ENOX2: variants seen among roughly 807,000 people sequenced by gnomAD.
ENOX2 encodes ecto-NOX disulfide-thiol exchanger 2.
ENOX2 carries 36 observed loss-of-function variants against 45.0 expected under a neutral mutation model. That is an observed-to-expected ratio of 0.80 (90% CI 0.61 to 1.06). The LOEUF is 1.06. Ranked by LOEUF, ENOX2 falls within the 50% of genes least tolerant of loss-of-function variation. ENOX2 has a pLI of 0.00. For synonymous variants in ENOX2, 174 were observed against 152.3 expected (o/e 1.14, Z -1.05); for missense variants, 423 against 462.5 (o/e 0.91, Z 0.78).
intron 3 of ENOX2, among the ~76,000 whole-genome samples, chrX:130,713,128 A>T (rs867599668): frequency 8.9e-6 from 1 of 112,460 alleles, no homozygotes; most frequent in African/African-American, 3.2e-5. Flanking sequence ...GGCTCCAGAG[A>T]CAACACGTTT....
At chrX:130,783,886 CT>C (rs1328523735) in intron 2 of ENOX2, among the ~76,000 whole-genome samples, 196 bp from the exon 3 acceptor site, 6 of 111,958 alleles carry the variant, frequency 5.4e-5, no homozygotes, top group Admixed American at 9.5e-5. Flanking sequence ...AAATATAAGA[CT>C]GTGGCTCTGT....
At chrX:130,858,057 C>A (rs2078341640) in intron 2 of ENOX2, among the ~76,000 whole-genome samples, 1 of 109,173 alleles carries the variant, frequency 9.2e-6, no homozygotes, top group Admixed American at 9.8e-5. Context: ...AAAGTCTTCT[C>A]AGAAACAGAA....
At chrX:130,733,292 A>G (rs763600645) in intron 3 of ENOX2, among the ~76,000 whole-genome samples, 1 of 111,449 alleles carries the variant, frequency 9.0e-6, no homozygotes, top group African/African-American at 3.3e-5. Flanking sequence ...ATCACTAATC[A>G]TTAGGGAAAT....
chrX:130,784,279 C>A (rs2076935424), intron 2 of ENOX2, among the ~76,000 whole-genome samples: 1 of 111,457 alleles, frequency 9.0e-6, no homozygotes, highest in Admixed American at 9.5e-5. Context: ...TAATCTCATT[C>A]TCTTCAAATA....
At chrX:130,828,407 A>T (rs1198190134) in intron 2 of ENOX2, among the ~76,000 whole-genome samples, 1 of 112,412 alleles carries the variant, frequency 8.9e-6, no homozygotes, top group Non-Finnish European at 1.9e-5. Flanking sequence ...AACAAGAAAG[A>T]CTAAGATTTT....
At chrX:130,882,920 A>G (rs773730573) in intron 2 of ENOX2, among the ~76,000 whole-genome samples, 2 of 111,712 alleles carry the variant, frequency 1.8e-5, no homozygotes, top group Non-Finnish European at 3.8e-5. Flanking sequence ...CTTGCTACTT[A>G]GTAATTGTGT....
At chrX:130,630,269 T>A (rs1460020937) in intron 13 of ENOX2, among the ~76,000 whole-genome samples, 2 of 111,378 alleles carry the variant, frequency 1.8e-5, no homozygotes, top group Non-Finnish European at 1.9e-5. Context: ...ATGTGGTCTT[T>A]GTCCGTGGTC....
Position 130,836,494 on chromosome X carries a change from G to A in ENOX2, c.-182-52804C>T, listed in dbSNP as rs986588699. Among the ~76,000 whole-genome samples the A allele has an allele frequency of 1.9e-4, 21 of 111,130 alleles. No individual in the cohort carries two copies. The East Asian group carries it at 5.4e-3, about 29-fold the overall frequency. Reference sequence around the variant, plus strand: ...AAAAAATGAGCACATTCAAAGACTCGACTGGCCTTCTACAGGGGGTTTTCA... The same window carrying A: ...AAAAAATGAGCACATTCAAAGACTCAACTGGCCTTCTACAGGGGGTTTTCA... On this transcript the variant is annotated intron_variant, in intron 2 of 14. Coordinates refer to ENST00000394363, the MANE Select transcript of ENOX2 (RefSeq NM_006375.4).
chrX:130,829,177 C>T (rs913969072), intron 2 of ENOX2, among the ~76,000 whole-genome samples: 4 of 111,208 alleles, frequency 3.6e-5, no homozygotes, highest in Non-Finnish European at 7.6e-5. Context: ...GAACAAAAGT[C>T]ACCTATTCCT....
At chrX:130,771,401 TCA>T (rs747713795) in intron 3 of ENOX2, among the ~76,000 whole-genome samples, 1 of 112,063 alleles carries the variant, frequency 8.9e-6, no homozygotes, top group African/African-American at 3.2e-5. Flanking sequence ...TTAGGCTGAA[TCA>T]CAGTTGAGAT....
At chrX:130,704,603 T>C (rs1026513591) in intron 3 of ENOX2, among the ~76,000 whole-genome samples, 6 of 111,954 alleles carry the variant, frequency 5.4e-5, no homozygotes, top group Non-Finnish European at 1.1e-4. Context: ...GTTCTAATAG[T>C]AGCTTGCTAA....
At chrX:130,801,130 G>A (rs906553173) in intron 2 of ENOX2, among the ~76,000 whole-genome samples, 1 of 112,021 alleles carries the variant, frequency 8.9e-6, no homozygotes, top group Non-Finnish European at 1.9e-5. Context: ...GGGACTGCAC[G>A]CCACCCTCTA....
chrX:130,791,427 T>C (rs2077040718), intron 2 of ENOX2, among the ~76,000 whole-genome samples: 2 of 111,630 alleles, frequency 1.8e-5, no homozygotes, highest in Non-Finnish European at 3.8e-5. Flanking sequence ...ACAGCATGGA[T>C]AGTATCTGAC....
At chrX:130,821,742 T>TAAAAAA in intron 2 of ENOX2, among the ~76,000 whole-genome samples, 600 of 23,158 alleles carry the variant, frequency 0.026, 1 homozygote, top group Non-Finnish European at 0.032. Context: ...ATAAATAAAT[T>TAAAAAA]AAAAAAAAAA....
At chrX:130,757,871 C>T (rs1480554403) in intron 3 of ENOX2, among the ~76,000 whole-genome samples, 2 of 110,558 alleles carry the variant, frequency 1.8e-5, no homozygotes, top group African/African-American at 6.6e-5. Context: ...GTAGGTGGGA[C>T]CACAGGCACA....
intron 2 of ENOX2, among the ~76,000 whole-genome samples, chrX:130,796,988 A>T (rs2077140343): frequency 8.9e-6 from 1 of 112,177 alleles, no homozygotes; most frequent in Non-Finnish European, 1.9e-5. Flanking sequence ...CAATTGACAG[A>T]GCAAATCAGG....
intron 12 of ENOX2, 79 bp from the exon 13 acceptor site, chrX:130,631,655 A>G (rs2035728493): frequency 1.9e-6 from 1 of 536,014 alleles, no homozygotes; most frequent in African/African-American, 2.3e-5. Flanking sequence ...ACAACAGGTA[A>G]CTTAACACAG....
chrX:130,803,429 C>T (rs1308457845), intron 2 of ENOX2, among the ~76,000 whole-genome samples: 1 of 111,638 alleles, frequency 9.0e-6, no homozygotes, highest in Non-Finnish European at 1.9e-5. Context: ...CAAAAGAGAG[C>T]CCTTAGTGAT....
At chrX:130,627,020 A>T (rs2035562682) in intron 14 of ENOX2, among the ~76,000 whole-genome samples, 1 of 111,095 alleles carries the variant, frequency 9.0e-6, no homozygotes, top group African/African-American at 3.3e-5. Flanking sequence ...TTTCCTAGGG[A>T]ATTAGCACTT....
Sources: gnomAD v4.1 joint callset for allele counts (sites outside exome capture counted in the v4.1 genomes callset) on GRCh38, gnomAD v4.1.1 for gene constraint, MANE v1.5 for transcripts, NCBI Gene and HGNC (gene_info 2026-07-23, HGNC 2026-07-21) for gene names.